SGCD: variants seen among roughly 807,000 people sequenced by gnomAD.
SGCD encodes delta-sarcoglycan.
In SGCD, 18 loss-of-function variants were observed where a neutral mutation model predicts 36.6. That is an observed-to-expected ratio of 0.49 (90% CI 0.34 to 0.73). The LOEUF (loss-of-function observed/expected upper bound fraction) is 0.73, where lower values mean the gene tolerates loss of function less well. SGCD is among the 30% of genes least tolerant of loss of function. The pLI, the probability that SGCD is intolerant of heterozygous loss-of-function variation, is 0.01. For synonymous variants in SGCD, 133 were observed against 130.6 expected (o/e 1.02, Z -0.12); for missense variants, 387 against 346.7 (o/e 1.12, Z -0.92).
intron 3 of SGCD, among the ~76,000 whole-genome samples, chr5:156,345,119 CTATT>C (rs769936686): frequency 2.6e-5 from 4 of 152,102 alleles, no homozygotes; most frequent in Non-Finnish European, 5.9e-5. Flanking sequence ...AAAATTTTAA[CTATT>C]TATGCTTGAT....
intron 3 of SGCD, among the ~76,000 whole-genome samples, chr5:156,490,962 A>G (rs1561731117): frequency 6.6e-6 from 1 of 152,022 alleles, no homozygotes; most frequent in Non-Finnish European, 1.5e-5. Context: ...AAACCTAAAT[A>G]CTCCACCAGA....
intron 3 of SGCD, among the ~76,000 whole-genome samples, chr5:156,475,300 C>T (rs1440802018): frequency 6.6e-6 from 1 of 152,184 alleles, no homozygotes; most frequent in African/African-American, 2.4e-5. Context: ...ATCTTTCTTA[C>T]CTGAGCTGGC....
Position 156,762,070 on chromosome 5 carries a change from G to C in SGCD, c.*2680G>C, listed in dbSNP as rs1309605440. On this transcript the variant is annotated 3_prime_UTR_variant, in exon 9 of 9. Coordinates refer to ENST00000337851, the MANE Select transcript of SGCD (RefSeq NM_000337.6). ...CACCCTCAAACTAGAATATTTGTCA[G>C]TGGTCAAGAGAAAAAATTTTACCTG... is the stretch of plus-strand genomic sequence containing the variant. 6.6e-6 allele frequency: 1 copy of C among 152,528 alleles called. No individual in the cohort carries two copies. The highest frequency in any genetic ancestry group is 2.4e-5 in the African/African-American group (1 of 41,404). The allele number at this position is 152,528 out of a possible 1,614,324, so 9.4% of individuals were successfully genotyped here. A position where few individuals can be genotyped will look rare whatever the true frequency, so the allele number is the denominator to read the frequency against.
rs889373739 is a variant in SGCD, at chr5:155,931,632, C to T, written c.-282+61208C>T. 2.0e-5 allele frequency among the ~76,000 whole-genome samples: 3 copies of T among 152,172 alleles called. No individual in the cohort carries two copies. In the East Asian group the frequency reaches 5.8e-4, roughly 29 times the overall value. On this transcript the variant is annotated intron_variant, in intron 1 of 9. Coordinates refer to the SGCD transcript ENST00000517913. Reference sequence around the variant, plus strand: ...CCCACTAATACATTTTCTTAATTAACGTAAGCAAGTATTCTTAGCATTTTG... The same window carrying T: ...CCCACTAATACATTTTCTTAATTAATGTAAGCAAGTATTCTTAGCATTTTG...
chr5:156,522,037 C>T (rs1179470705), intron 4 of SGCD, among the ~76,000 whole-genome samples: 1 of 152,112 alleles, frequency 6.6e-6, no homozygotes, highest in African/African-American at 2.4e-5. Context: ...GAGTTCATGT[C>T]CTTCGAAGGG....
intron 7 of SGCD, among the ~76,000 whole-genome samples, chr5:156,731,316 C>T (rs551870888): frequency 1.4e-4 from 21 of 152,190 alleles, no homozygotes; most frequent in African/African-American, 5.1e-4. Flanking sequence ...TTTGCCCATG[C>T]CTATGTCCTG....
intron 1 of SGCD, among the ~76,000 whole-genome samples, chr5:156,112,637 A>G (rs916610873): frequency 2.6e-5 from 4 of 152,214 alleles, no homozygotes; most frequent in African/African-American, 9.6e-5. Flanking sequence ...TCTCCATTAA[A>G]CAATCATATA....
chr5:156,494,984 G>A lies in SGCD; in HGVS notation c.193-13617G>A, dbSNP rs369523300. On this transcript the variant is annotated intron_variant, in intron 3 of 8. Coordinates refer to ENST00000337851, the MANE Select transcript of SGCD (RefSeq NM_000337.6). ...ACTCTGCCTCATTCTTCTTTAGGGC[G>A]CTTTATAGCTCTGCCTGTGTGATGC... 4.7e-4 allele frequency among the ~76,000 whole-genome samples: 72 copies of A among 152,204 alleles called. No individual in the cohort carries two copies. In the East Asian group the frequency reaches 7.4e-3, roughly 16 times the overall value.
At chr5:156,602,599 ATTGTG>A (rs1221442575) in intron 6 of SGCD, among the ~76,000 whole-genome samples, 3 of 151,986 alleles carry the variant, frequency 2.0e-5, no homozygotes, top group Non-Finnish European at 2.9e-5. Flanking sequence ...TATGGCCTTT[ATTGTG>A]TTGAGGTACC....
In SGCD at chr5:156,008,068, T is replaced by C. The variant is rs1758788812; in HGVS notation, c.-281-109810T>C. 2.0e-5 allele frequency among the ~76,000 whole-genome samples: 3 copies of C among 152,338 alleles called. No homozygotes were observed. In the South Asian group the frequency reaches 6.2e-4, roughly 32 times the overall value. ...AATATTCACGTTCTCAGATGTTCTT[T>C]GAGTCAACTTTACCCGTTGTGCTAG... On this transcript the variant is annotated intron_variant, in intron 1 of 9. Transcript: ENST00000517913.
At chr5:155,955,083 T>G (rs1280291544) in intron 1 of SGCD, among the ~76,000 whole-genome samples, 1 of 152,138 alleles carries the variant, frequency 6.6e-6, no homozygotes, top group East Asian at 1.9e-4. Context: ...CATTCAGATC[T>G]TCAATTGATT....
intron 1 of SGCD, among the ~76,000 whole-genome samples, chr5:155,913,682 A>G (rs1178561145): frequency 2.0e-5 from 3 of 152,178 alleles, no homozygotes; most frequent in African/African-American, 7.2e-5. Context: ...TCTTCAGACC[A>G]TGTCAGACAA....
At chr5:156,753,182 T>TGTGAGCCCACCAG (rs1757212246) in intron 7 of SGCD, among the ~76,000 whole-genome samples, 1 of 152,232 alleles carries the variant, frequency 6.6e-6, no homozygotes, top group Admixed American at 6.5e-5. Context: ...GTGATTCTGA[T>TGTGAGCCCACCAG]GCTCACATTT....
intron 3 of SGCD, among the ~76,000 whole-genome samples, chr5:156,301,173 C>G (rs1767045874): frequency 6.6e-6 from 1 of 151,882 alleles, no homozygotes; most frequent in Admixed American, 6.6e-5. Flanking sequence ...TTACTTCCTT[C>G]TTTCTTTCCT....
At chr5:155,954,579 T>G (rs1359195590) in intron 1 of SGCD, among the ~76,000 whole-genome samples, 58 of 150,686 alleles carry the variant, frequency 3.8e-4, no homozygotes, top group East Asian at 7.8e-4. Context: ...TTTTTTTTTT[T>G]GGGTTAAATG....
At position 156,430,231 on chromosome 5, in the gene SGCD, C is replaced by T. The variant is rs754125521; in HGVS notation, c.193-78370C>T. On this transcript the variant is annotated intron_variant, in intron 3 of 8. Coordinates refer to ENST00000337851, the MANE Select transcript of SGCD (RefSeq NM_000337.6). ...GTTTTTAAAACTCTTTTTTCTTTAT[C>T]TGATTGGTTTAGTTCAAAAGTCTTA... Among the ~76,000 whole-genome samples, 33 of 151,902 alleles carry T rather than the reference C, an allele frequency of 2.2e-4. 1 individual carries two copies. Among genetic ancestry groups the T allele is most frequent in the Admixed American group, 2.0e-3 (30 of 15,242 alleles).
chr5:156,713,537 T>A (rs370731411), intron 7 of SGCD, among the ~76,000 whole-genome samples: 1 of 152,188 alleles, frequency 6.6e-6, no homozygotes, highest in African/African-American at 2.4e-5. Context: ...TAAACGCTTC[T>A]CTGTCAGAAC....
intron 6 of SGCD, among the ~76,000 whole-genome samples, chr5:156,597,952 A>G (rs574144818): frequency 3.1e-4 from 47 of 152,226 alleles, no homozygotes; most frequent in African/African-American, 1.0e-3. Flanking sequence ...ACAACCTGGC[A>G]TGTTGGACAT....
chr5:155,741,099 T>C, the SGCD span, among the ~76,000 whole-genome samples: 4 of 152,200 alleles, frequency 2.6e-5, no homozygotes, highest in South Asian at 8.3e-4. Flanking sequence ...GGTTTAAAGG[T>C]GGGTTTAAAG....
Sources: allele counts gnomAD v4.1 joint callset (sites outside exome capture counted in the v4.1 genomes callset), GRCh38; gene constraint gnomAD v4.1.1; transcripts MANE v1.5; gene names NCBI Gene and HGNC (gene_info 2026-07-23, HGNC 2026-07-21).